The following CFAP97 variants were observed in gnomAD, a reference collection of about 807,000 sequenced individuals.
The protein encoded by CFAP97 is cilia and flagella associated protein 97, also known as cilia- and flagella-associated protein 97.
CFAP97 carries 36 observed loss-of-function variants against 43.1 expected under a neutral mutation model. That is an observed-to-expected ratio of 0.84 (90% CI 0.64 to 1.10). The LOEUF (loss-of-function observed/expected upper bound fraction) is 1.10. Among genes scored for constraint, CFAP97 ranks in the 50% least tolerant of loss-of-function variants. CFAP97 has a pLI of 0.00. For synonymous variants in CFAP97, 228 were observed against 225.7 expected, an observed-to-expected ratio of 1.01 and a Z score of -0.09; for missense variants, 657 against 620.3, an observed-to-expected ratio of 1.06 and a Z score of -0.63.
rs1326684916 is a variant in CFAP97, at chr4:185,162,707, G to A, written c.*91C>T. On this transcript the variant is annotated 3_prime_UTR_variant, in exon 5 of 5. Coordinates refer to ENST00000458385, the MANE Select transcript of CFAP97 (RefSeq NM_020827.3). Reference sequence around the variant, plus strand: ...TTGTACACCTTCAATTGCTAAAACGGTATTCTAGATGTTTACACAGAGAAT... The same window carrying A: ...TTGTACACCTTCAATTGCTAAAACGATATTCTAGATGTTTACACAGAGAAT... The A allele has an allele frequency of 4.4e-6, 6 of 1,351,778 alleles. No individual in the cohort carries two copies. The African/African-American group carries it at 5.8e-5, about 13-fold the overall frequency. 83.7% of individuals were successfully genotyped at this position (1,351,778 alleles called of 1,614,324 possible). A position where few individuals can be genotyped will look rare whatever the true frequency, so the allele number is the denominator to read the frequency against.
Position 185,164,057 on chromosome 4 carries a change from T to C in CFAP97, c.1443A>G (p.Arg481=). 1.2e-6 allele frequency: 2 copies of C among 1,614,010 alleles called. No homozygotes were observed. Among genetic ancestry groups the C allele is most frequent in the Non-Finnish European group, 8.5e-7 (1 of 1,179,866 alleles). The change falls in exon 4 of 5, where the codon AGA becomes AGG. Residue 481 remains arginine, a synonymous_variant. Coordinates refer to ENST00000458385, the MANE Select transcript of CFAP97 (RefSeq NM_020827.3). The part of the protein sequence containing the change: ...LNSSPLSRRA[R]STLGQYSPLR... ...ATGGGCTATATTGGCCAAGAGTGGA[T>C]CTGGCCCGTCTTGACAATGGTGATG...
At chr4:185,198,084 C>CGA (rs1736637555) in intron 1 of CFAP97, among the ~76,000 whole-genome samples, 1 of 152,064 alleles carries the variant, frequency 6.6e-6, no homozygotes, top group South Asian at 2.1e-4. Context: ...CTATGAAGGC[C>CGA]GAGAGAGGTA....
At position 185,193,967 on chromosome 4, in the gene CFAP97, T is replaced by C. The variant is rs915725819; in HGVS notation, c.-16-2755A>G. Among the ~76,000 whole-genome samples the C allele has an allele frequency of 9.3e-4, 141 of 152,304 alleles. 1 individual carries two copies. The highest frequency in any genetic ancestry group is 3.3e-3 in the African/African-American group (136 of 41,552). ...AAGCTTCTGTAGATAAATATTACGA[T>C]TCTGTTAACATCATCACTTAGATCA... On this transcript the variant is annotated intron_variant, in intron 1 of 4. Coordinates refer to ENST00000458385, the MANE Select transcript of CFAP97 (RefSeq NM_020827.3).
chr4:185,204,051 C>T (rs527607359), upstream of CFAP97: 24 of 150,012 alleles, frequency 1.6e-4, no homozygotes, highest in African/African-American at 5.3e-4. Flanking sequence ...TCGGGAGAGG[C>T]GGGGGCGCAC....
At chr4:185,175,309 C>CAG (rs1359220643) in intron 3 of CFAP97, among the ~76,000 whole-genome samples, 1 of 151,816 alleles carries the variant, frequency 6.6e-6, no homozygotes, top group East Asian at 1.9e-4. Flanking sequence ...TTCTGTTGCC[C>CAG]AGGCTGGAGT....
chr4:185,192,747 T>TG (rs1736332865), intron 1 of CFAP97, among the ~76,000 whole-genome samples: 1 of 94,236 alleles, frequency 1.1e-5, no homozygotes, highest in African/African-American at 4.1e-5. Flanking sequence ...TTTTTTTTTT[T>TG]TTTTTTTTTT....
At position 185,170,335 on chromosome 4, in the gene CFAP97, G is replaced by A. The variant is rs755508166; in HGVS notation, c.1320+5451C>T. The stretch of plus-strand genomic sequence containing the variant: ...CACTCCAGCCTGGGTGACAGAGCGA[G>A]ATAGTCTAAATAAATAAATAAAATA... On this transcript the variant is annotated intron_variant, in intron 3 of 4. Transcript: ENST00000458385. 6.5e-5 allele frequency: 38 copies of A among 582,380 alleles called. 1 individual carries two copies. The highest frequency in any genetic ancestry group is 1.1e-4 in the Non-Finnish European group (36 of 325,094). The allele number at this position is 582,380 out of a possible 1,614,324, so 36.1% of individuals were successfully genotyped here. A position where few individuals can be genotyped will look rare whatever the true frequency, so the allele number is the denominator to read the frequency against.
At chr4:185,201,180 G>C (rs928916954) in intron 1 of CFAP97, among the ~76,000 whole-genome samples, 8 of 151,922 alleles carry the variant, frequency 5.3e-5, no homozygotes. Flanking sequence ...AAAAAAATTA[G>C]CTGGGCGTGG....
Position 185,198,566 on chromosome 4 carries a change from G to T in CFAP97, c.-17+5332C>A, listed in dbSNP as rs535331612. Among the ~76,000 whole-genome samples, 6 of 152,096 alleles carry T rather than the reference G, an allele frequency of 3.9e-5. No individual in the cohort carries two copies. The South Asian group carries it at 1.0e-3, about 26-fold the overall frequency. On this transcript the variant is annotated intron_variant, in intron 1 of 4. Coordinates refer to ENST00000458385, the MANE Select transcript of CFAP97 (RefSeq NM_020827.3). ...GAACTTTGGGAGGCCGAGATGGGCAGATCACCTCAGGTCAGGAGTTCAAGA... is the reference window on the plus strand; with the variant it reads ...GAACTTTGGGAGGCCGAGATGGGCATATCACCTCAGGTCAGGAGTTCAAGA...
intron 3 of CFAP97, among the ~76,000 whole-genome samples, chr4:185,173,264 G>A (rs773309459): frequency 2.2e-4 from 34 of 151,646 alleles, no homozygotes; most frequent in African/African-American, 7.7e-4. Flanking sequence ...TCAGGAGGCT[G>A]AGGCAGGAGA....
intron 1 of CFAP97, among the ~76,000 whole-genome samples, chr4:185,202,206 T>C (rs1736869190): frequency 6.6e-6 from 1 of 152,178 alleles, no homozygotes. Flanking sequence ...AGCCATGCTC[T>C]TTGCTACCCA....
At chr4:185,173,386 A>T (rs1735387013) in intron 3 of CFAP97, among the ~76,000 whole-genome samples, 1 of 151,708 alleles carries the variant, frequency 6.6e-6, no homozygotes, top group Admixed American at 6.6e-5. Context: ...AAAAAAAGTA[A>T]ACCCAGGTTC....
upstream of CFAP97, among the ~76,000 whole-genome samples, chr4:185,205,058 C>G (rs1161454089): frequency 6.6e-6 from 1 of 152,204 alleles, no homozygotes; most frequent in South Asian, 2.1e-4. Flanking sequence ...CTGCCTGTCC[C>G]GGGGAGTTCC....
At position 185,160,596 on chromosome 4, in the gene CFAP97, A is replaced by G. The variant is rs889508329; in HGVS notation, c.*2202T>C. Reference sequence around the variant, plus strand: ...CAACAGAATTGAAGTTCCGCTTAAAAGACTCTTGCCCTTTCCAACTTTTAC... The same window carrying G: ...CAACAGAATTGAAGTTCCGCTTAAAGGACTCTTGCCCTTTCCAACTTTTAC... On this transcript the variant is annotated 3_prime_UTR_variant, in exon 5 of 5. Transcript: ENST00000458385. 2 of 152,024 alleles carry G rather than the reference A, an allele frequency of 1.3e-5. No homozygotes were observed. Among genetic ancestry groups the G allele is most frequent in the African/African-American group, 4.8e-5 (2 of 41,426 alleles). The allele number at this position is 152,024 out of a possible 1,614,324, so 9.4% of individuals were successfully genotyped here. A position where few individuals can be genotyped will look rare whatever the true frequency, so the allele number is the denominator to read the frequency against.
At chr4:185,193,379 G>A (rs1202569821) in intron 1 of CFAP97, among the ~76,000 whole-genome samples, 1 of 152,210 alleles carries the variant, frequency 6.6e-6, no homozygotes, top group East Asian at 1.9e-4. Flanking sequence ...CAGGCACGGT[G>A]GCTCATGCTG....
At chr4:185,176,621 G>C (rs1735555895) in intron 2 of CFAP97, among the ~76,000 whole-genome samples, 1 of 152,042 alleles carries the variant, frequency 6.6e-6, no homozygotes, top group Non-Finnish European at 1.5e-5. Context: ...TGGTCTTTAG[G>C]CTAGTATAAT....
intron 2 of CFAP97, among the ~76,000 whole-genome samples, chr4:185,188,581 C>T (rs915878670): frequency 6.6e-6 from 1 of 152,118 alleles, no homozygotes; most frequent in Non-Finnish European, 1.5e-5. Context: ...TGACCTCAAG[C>T]GATCTGCCCA....
rs1335217701 is a variant in CFAP97 at position 185,190,682 on chromosome 4, G to A, written c.515C>T (p.Ser172Phe). The change falls in exon 2 of 5, where the codon TCT (serine) becomes TTT (phenylalanine). Residue 172 changes from serine (S) to phenylalanine (F), a missense_variant. By Grantham distance (155) the Ser-to-Phe change is radical (BLOSUM62 -2). Transcript: ENST00000458385. The part of the protein sequence containing the change: ...IRKKYCKVSS[S>F]SSSSLSSSSS... ...TGAGGAAGATAAAGAGGAGGAGGAA[G>A]AGGAGCTAACTTTGCAATACTTTTT... 37 of 1,572,536 alleles carry A rather than the reference G, an allele frequency of 2.4e-5. No individual in the cohort carries two copies. Among genetic ancestry groups the A allele is most frequent in the Non-Finnish European group, 3.0e-5 (35 of 1,157,656 alleles).
intron 2 of CFAP97, among the ~76,000 whole-genome samples, chr4:185,189,324 C>G (rs1324846193): frequency 1.3e-5 from 2 of 152,198 alleles, no homozygotes; most frequent in African/African-American, 4.8e-5. Flanking sequence ...TTTCTACTAA[C>G]AAGGTGTTTA....
Sources: gnomAD v4.1 joint callset for allele counts (sites outside exome capture counted in the v4.1 genomes callset) on GRCh38, gnomAD v4.1.1 for gene constraint, MANE v1.5 for transcripts, NCBI Gene and HGNC (gene_info 2026-07-23, HGNC 2026-07-21) for gene names.